The following CMIP variants were observed in gnomAD, a reference collection of about 807,000 sequenced individuals.
CMIP encodes the protein c-Maf inducing protein.
CMIP carries 13 observed loss-of-function variants against 97.3 expected under a neutral mutation model. The ratio of observed to expected loss-of-function variants is 0.13; its 90% CI spans 0.09 to 0.21. The LOEUF is 0.21. Ranked by LOEUF, CMIP falls within the 10% of genes least tolerant of loss-of-function variation. CMIP has a pLI of 1.00. For synonymous variants in CMIP, 538 were observed against 436.3 expected (o/e 1.23, Z -2.91); for missense variants, 847 against 1,024.9 (o/e 0.83, Z 2.37).
rs142448133 is a variant in CMIP, at chr16:81,579,020, A to G, written c.301-28547A>G. On this transcript the variant is annotated intron_variant, in intron 1 of 20. Coordinates refer to ENST00000537098, the MANE Select transcript of CMIP (RefSeq NM_198390.3). ...TAGCTCAGCTTCTTCAGCTCCAGAA[A>G]GCAATTTGCCTCTCCTGAGTCTGTT... is the stretch of plus-strand genomic sequence containing the variant. Among the ~76,000 whole-genome samples, 3 of 152,354 alleles carry G rather than the reference A, an allele frequency of 2.0e-5. No homozygotes were observed. In the East Asian group the frequency reaches 5.8e-4, roughly 29 times the overall value.
intron 3 of CMIP, among the ~76,000 whole-genome samples, chr16:81,629,582 G>A (rs893863562): frequency 2.0e-5 from 3 of 152,086 alleles, no homozygotes; most frequent in Admixed American, 1.3e-4. Context: ...ACCTTTTTAC[G>A]ATCACTTCAA....
At chr16:81,518,389 C>G (rs779821213) in intron 1 of CMIP, 1 of 152,274 alleles carries the variant, frequency 6.6e-6, no homozygotes, top group South Asian at 2.1e-4. Context: ...GGCATCCAGA[C>G]AACACCTTCA....
chr16:81,613,571 G>A (rs1429787446), intron 2 of CMIP, among the ~76,000 whole-genome samples: 2 of 152,182 alleles, frequency 1.3e-5, no homozygotes, highest in East Asian at 3.8e-4. Context: ...CTTGCATATT[G>A]TGAGGCTCGT....
At chr16:81,653,950 G>A (rs964828879) in intron 4 of CMIP, among the ~76,000 whole-genome samples, 1 of 152,144 alleles carries the variant, frequency 6.6e-6, no homozygotes, top group Non-Finnish European at 1.5e-5. Flanking sequence ...CACAGATGAG[G>A]AAATTGAGGC....
At chr16:81,677,794 G>T (rs910235604) in intron 9 of CMIP, among the ~76,000 whole-genome samples, 3 of 152,232 alleles carry the variant, frequency 2.0e-5, no homozygotes, top group Admixed American at 1.3e-4. Context: ...GGCTGGGTTT[G>T]GGGGCAGGAG....
intron 1 of CMIP, among the ~76,000 whole-genome samples, chr16:81,588,834 T>C (rs1197027699): frequency 2.0e-5 from 3 of 152,120 alleles, no homozygotes; most frequent in Admixed American, 6.5e-5. Context: ...GGGCCTCCCG[T>C]CGTCTTCCTG....
At chr16:81,475,081 C>T (rs1208258792) in intron 1 of CMIP, among the ~76,000 whole-genome samples, 1 of 152,170 alleles carries the variant, frequency 6.6e-6, no homozygotes, top group Non-Finnish European at 1.5e-5. Flanking sequence ...GGCTGGCCCT[C>T]TGGAGAGGAG....
intron 1 of CMIP, among the ~76,000 whole-genome samples, chr16:81,553,749 A>G (rs1045393447): frequency 2.6e-5 from 4 of 152,036 alleles, no homozygotes; most frequent in Non-Finnish European, 5.9e-5. Context: ...CAAAAGCTAT[A>G]GGCAGCATGG....
chr16:81,552,409 A>C (rs1469415254), intron 1 of CMIP, among the ~76,000 whole-genome samples: 1 of 152,120 alleles, frequency 6.6e-6, no homozygotes, highest in Non-Finnish European at 1.5e-5. Context: ...AGAAATCCAA[A>C]ACAGATCCCC....
At chr16:81,656,868 C>T (rs542348354) in intron 4 of CMIP, among the ~76,000 whole-genome samples, 2 of 152,284 alleles carry the variant, frequency 1.3e-5, no homozygotes, top group Admixed American at 1.3e-4. Flanking sequence ...GCAATCCACA[C>T]TCCTCAGCCT....
At chr16:81,501,391 G>A (rs1283668330) in intron 1 of CMIP, among the ~76,000 whole-genome samples, 2 of 152,214 alleles carry the variant, frequency 1.3e-5, no homozygotes, top group Non-Finnish European at 2.9e-5. Context: ...CCCAGGGGGA[G>A]CTCTGGCAGT....
intron 1 of CMIP, among the ~76,000 whole-genome samples, chr16:81,494,511 G>C (rs935411283): frequency 6.6e-6 from 1 of 152,182 alleles, no homozygotes; most frequent in Admixed American, 6.5e-5. Context: ...TCCACCTTGG[G>C]GTGTAAGCGG....
intron 1 of CMIP, among the ~76,000 whole-genome samples, chr16:81,592,865 T>C (rs2091487186): frequency 6.6e-6 from 1 of 152,240 alleles, no homozygotes; most frequent in Non-Finnish European, 1.5e-5. Context: ...GGCTGGCTGC[T>C]GTGGGCCTTC....
chr16:81,703,261 CCA>C (rs1907620693), intron 17 of CMIP, among the ~76,000 whole-genome samples: 1 of 152,042 alleles, frequency 6.6e-6, no homozygotes, highest in African/African-American at 2.4e-5. Context: ...GTGTGTGGGG[CCA>C]CACACTAAAT....
At chr16:81,570,507 G>C (rs553862181) in intron 1 of CMIP, among the ~76,000 whole-genome samples, 1 of 152,118 alleles carries the variant, frequency 6.6e-6, no homozygotes, top group African/African-American at 2.4e-5. Flanking sequence ...CCTGGCAGGT[G>C]GTGGGACCGC....
chr16:81,671,994 C>A lies in CMIP; in HGVS notation c.958C>A (p.His320Asn). 6.3e-7 allele frequency: 1 copy of A among 1,599,254 alleles called. No homozygotes were observed. Among genetic ancestry groups the A allele is most frequent in the Non-Finnish European group, 8.5e-7 (1 of 1,172,120 alleles). Residue 320 changes from histidine to asparagine, a missense_variant, in exon 9 of 21, where the codon CAC (histidine) becomes AAC (asparagine). His to Asn is a moderately conservative substitution (Grantham distance 68). Transcript: ENST00000537098. ...SMHGPTGHCP[H>N]PRVLPNLVAV... ...GCACGGCCCCACAGGGCACTGCCCC[C>A]ACCCCCGGGTCCTGCCCAACCTGGT... is the stretch of plus-strand genomic sequence containing the variant.
At chr16:81,530,025 G>T (rs981135602) in intron 1 of CMIP, among the ~76,000 whole-genome samples, 5 of 152,174 alleles carry the variant, frequency 3.3e-5, no homozygotes, top group African/African-American at 1.2e-4. Context: ...GAGAGGATAG[G>T]GTTTTTGGCT....
chr16:81,683,096 G>T (rs936735492), intron 10 of CMIP, among the ~76,000 whole-genome samples: 4 of 152,166 alleles, frequency 2.6e-5, no homozygotes, highest in African/African-American at 9.7e-5. Context: ...ACCTACGCCA[G>T]GCCAGACTCT....
intron 9 of CMIP, among the ~76,000 whole-genome samples, chr16:81,677,633 A>G (rs910484847): frequency 2.0e-5 from 3 of 152,202 alleles, no homozygotes; most frequent in African/African-American, 7.2e-5. Flanking sequence ...GAGATTAATA[A>G]TGCCATAGAG....
Sources: gnomAD v4.1 joint callset for allele counts (sites outside exome capture counted in the v4.1 genomes callset) on GRCh38, gnomAD v4.1.1 for gene constraint, MANE v1.5 for transcripts, NCBI Gene and HGNC (gene_info 2026-07-23, HGNC 2026-07-21) for gene names.